Variants in ADH1A observed in about 807,000 individuals in gnomAD.
ADH1A encodes alcohol dehydrogenase 1A (class I), alpha polypeptide, also known as alcohol dehydrogenase 1A.
ADH1A carries 29 observed loss-of-function variants against 35.2 expected under a neutral mutation model. The observed-to-expected ratio is 0.82, with a 90% CI of 0.61 to 1.12. The LOEUF is 1.12. ADH1A is among the 50% of genes most tolerant of loss of function. The pLI is 0.00. For missense variants in ADH1A, 469 were observed against 464.7 expected (o/e 1.01, Z -0.09); for synonymous variants, 147 against 164.8 (o/e 0.89, Z 0.83).
chr4:99,282,701 TC>T, intron 5 of ADH1A, 95 bp from the exon 6 acceptor site: 1 of 1,522,068 alleles, frequency 6.6e-7, no homozygotes, highest in Non-Finnish European at 8.8e-7. Context: ...TTCTGTTCAA[TC>T]TGTTATCAAA....
intron 3 of ADH1A, among the ~76,000 whole-genome samples, chr4:99,285,382 T>C (rs1012395625): frequency 8.5e-5 from 13 of 152,272 alleles, no homozygotes; most frequent in African/African-American, 3.1e-4. Context: ...ATTCCAGAAA[T>C]TCCTCTGGAA....
At chr4:99,287,178 C>G in intron 2 of ADH1A, 190 bp from the exon 3 acceptor site, 2 of 665,732 alleles carry the variant, frequency 3.0e-6, no homozygotes, top group Non-Finnish European at 4.9e-6. Flanking sequence ...ACCTTCCATT[C>G]TTGAAGTAAA....
Position 99,276,425 on chromosome 4 carries a change from T to C in ADH1A, c.*199A>G, listed in dbSNP as rs1732869453. The C allele has an allele frequency of 3.2e-6, 2 of 617,760 alleles. No homozygotes were observed. The highest frequency in any genetic ancestry group is 5.7e-6 in the Non-Finnish European group (2 of 348,860). 38.3% of individuals were successfully genotyped at this position (617,760 alleles called of 1,614,324 possible). A position where few individuals can be genotyped will look rare whatever the true frequency, so the allele number is the denominator to read the frequency against. ...TCCCCAGCTGATGTTCAACACTTTA[T>C]TTAGTTCTCATTTGGATTTTAAACA... On this transcript the variant is annotated 3_prime_UTR_variant, in exon 9 of 9. Transcript: ENST00000209668.
chr4:99,287,779 G>T, intron 1 of ADH1A, 114 bp from the exon 2 acceptor site: 1 of 1,133,804 alleles, frequency 8.8e-7, no homozygotes, highest in Non-Finnish European at 1.3e-6. Flanking sequence ...TACCTAACAA[G>T]TGCTCTATAG....
chr4:99,289,293 A>T (rs1733234533), intron 1 of ADH1A, among the ~76,000 whole-genome samples: 1 of 152,162 alleles, frequency 6.6e-6, no homozygotes, highest in South Asian at 2.1e-4. Flanking sequence ...ATTATTTTAA[A>T]ATCTCATAAG....
chr4:99,281,049 T>C (rs1454261757), intron 6 of ADH1A: 3 of 152,144 alleles, frequency 2.0e-5, no homozygotes, highest in African/African-American at 7.2e-5. Context: ...TTTGGTATCT[T>C]GAGATAAGGT....
chr4:99,280,260 C>T lies in ADH1A; in HGVS notation c.848G>A (p.Cys283Tyr). ...GACACTTGTGCCACATGCCTCATGA[C>T]AACATAACAGGGAAGCCATCTGGAA... ...LDTMMASLLC[C>Y]HEACGTSVIV... is the part of the protein sequence containing the mutation. The change falls in exon 7 of 9, where the codon TGT (cysteine) becomes TAT (tyrosine). Residue 283 changes from cysteine to tyrosine, a missense_variant. Transcript: ENST00000209668. The T allele has an allele frequency of 5.0e-6, 8 of 1,613,566 alleles. No individual in the cohort carries two copies. Among genetic ancestry groups the T allele is most frequent in the Non-Finnish European group, 8.5e-7 (1 of 1,179,826 alleles).
At chr4:99,286,617 T>C in intron 3 of ADH1A, 2 of 559,434 alleles carry the variant, frequency 3.6e-6, no homozygotes, top group Non-Finnish European at 5.8e-6. Context: ...ACCTGGTGAC[T>C]GGCATCTAGC....
Position 99,279,351 on chromosome 4 carries a change from A to G in ADH1A, c.1103+75T>C, listed in dbSNP as rs1732940731. ...GCACTCTAATTTTTCTCATCCTTCC[A>G]CCTTTTCATTTTCTGCTAGACAATC... On this transcript the variant is annotated intron_variant, in intron 8 of 8. Coordinates refer to ENST00000209668, the MANE Select transcript of ADH1A (RefSeq NM_000667.4). 17 of 1,510,752 alleles carry G rather than the reference A, an allele frequency of 1.1e-5. No homozygotes were observed. In the South Asian group the frequency reaches 1.5e-4, roughly 14 times the overall value. 93.6% of individuals were successfully genotyped at this position (1,510,752 alleles called of 1,614,324 possible). A position where few individuals can be genotyped will look rare whatever the true frequency, so the allele number is the denominator to read the frequency against.
intron 1 of ADH1A, 27 bp from the exon 2 acceptor site, chr4:99,287,692 C>G (rs745748251): frequency 1.2e-6 from 2 of 1,610,404 alleles, no homozygotes; most frequent in Non-Finnish European, 1.7e-6. Flanking sequence ...AGAGATGGCA[C>G]CAGTGTTCTC....
intron 5 of ADH1A, among the ~76,000 whole-genome samples, chr4:99,283,473 T>C (rs868229904): frequency 2.6e-5 from 4 of 151,698 alleles, no homozygotes; most frequent in Non-Finnish European, 5.9e-5. Context: ...TAAGGGTGTC[T>C]ATTCATTCAT....
chr4:99,286,045 A>ATT (rs1233847158), intron 3 of ADH1A, among the ~76,000 whole-genome samples: 1 of 146,352 alleles, frequency 6.8e-6, no homozygotes, highest in African/African-American at 2.6e-5. Flanking sequence ...AAAAAAAGTG[A>ATT]TTTTTTTAGA....
Position 99,282,473 on chromosome 4 carries a change from T to C in ADH1A, c.701A>G (p.Lys234Arg). The C allele has an allele frequency of 6.2e-7, 1 of 1,614,140 alleles. No homozygotes were observed. Among genetic ancestry groups the C allele is most frequent in the Non-Finnish European group, 8.5e-7 (1 of 1,180,032 alleles). The change falls in exon 6 of 9, where the codon AAA (lysine) becomes AGA (arginine). Residue 234 changes from lysine to arginine, a missense_variant. Lys to Arg is a conservative substitution (Grantham distance 26). Coordinates refer to ENST00000209668, the MANE Select transcript of ADH1A (RefSeq NM_000667.4). ...GATGCATTCAGTGGCACCCAACTCT[T>C]TGGCCTTTGCAAATTTGTCCTTGTT... Reference protein sequence around the residue: ...DINKDKFAKAKELGATECINP... With the variant: ...DINKDKFAKARELGATECINP...
chr4:99,276,729 T>G, intron 8 of ADH1A, 81 bp from the exon 9 acceptor site: 7 of 1,361,776 alleles, frequency 5.1e-6, no homozygotes, highest in Non-Finnish European at 7.4e-6. Flanking sequence ...TGAAATGACT[T>G]AGTGAAAATC....
At chr4:99,290,853 A>G (rs1240743833) in intron 1 of ADH1A, 44 bp downstream of exon 1, 16 of 1,572,652 alleles carry the variant, frequency 1.0e-5, no homozygotes, top group Non-Finnish European at 1.3e-5. Flanking sequence ...TCTTTGTTAT[A>G]TTGATGAGAA....
chr4:99,278,607 T>C (rs1467509159), intron 8 of ADH1A: 1 of 152,156 alleles, frequency 6.6e-6, no homozygotes, highest in African/African-American at 2.4e-5. Context: ...AATAATTTTG[T>C]GAGTGCCAAA....
At chr4:99,287,137 C>T (rs1217550240) in intron 2 of ADH1A, 149 bp from the exon 3 acceptor site, 4 of 1,027,906 alleles carry the variant, frequency 3.9e-6, no homozygotes, top group African/African-American at 3.2e-5. Context: ...TCAGTTTATC[C>T]TCAAGGTTGA....
At chr4:99,288,380 C>T (rs1398673901) in intron 1 of ADH1A, among the ~76,000 whole-genome samples, 2 of 149,958 alleles carry the variant, frequency 1.3e-5, no homozygotes, top group Non-Finnish European at 3.0e-5. Flanking sequence ...TGTATACACT[C>T]AGACCTACAC....
chr4:99,282,561 C>A lies in ADH1A; in HGVS notation c.613G>T (p.Gly205Cys). The change falls in exon 6 of 9, where the codon GGC becomes TGC. Residue 205 changes from glycine (G) to cysteine (C), a missense_variant. Coordinates refer to ENST00000209668, the MANE Select transcript of ADH1A (RefSeq NM_000667.4). The part of the protein sequence containing the change: ...TCAVFGLGGV[G>C]LSAIMGCKAA... ...TTACAGCCCATAATAGCAGATAGGC[C>A]GACCCCTCCCAGGCCAAACACAGCA... 6.2e-7 allele frequency: 1 copy of A among 1,614,132 alleles called. No homozygotes were observed.
Sources: gnomAD v4.1 joint callset for allele counts (sites outside exome capture counted in the v4.1 genomes callset) on GRCh38, gnomAD v4.1.1 for gene constraint, MANE v1.5 for transcripts, NCBI Gene and HGNC (gene_info 2026-07-23, HGNC 2026-07-21) for gene names.